The following TJP3 variants were observed in gnomAD, a reference collection of about 807,000 sequenced individuals.
TJP3 encodes tight junction protein 3, also known as tight junction protein ZO-3.
Under a neutral mutation model 104.2 loss-of-function variants are expected in TJP3, and 85 were observed. The observed-to-expected ratio is 0.82, with a 90% CI of 0.68 to 0.98. The LOEUF (loss-of-function observed/expected upper bound fraction) is 0.98. TJP3 is among the 50% of genes least tolerant of loss of function. The pLI is 0.00. For missense variants in TJP3, 1,367 were observed against 1,322.8 expected (o/e 1.03, Z -0.52); for synonymous variants, 550 against 550.6 (o/e 1.00, Z 0.02).
At chr19:3,713,399 A>C (rs2036450316) in intron 1 of TJP3, among the ~76,000 whole-genome samples, 1 of 152,222 alleles carries the variant, frequency 6.6e-6, no homozygotes, top group Non-Finnish European at 1.5e-5. Context: ...GTTATTCTGC[A>C]AAAGACCTGC....
At chr19:3,717,350 G>GAATGCAGGATTTTCTACCAGCTCCAGTCC (rs2036488906) in intron 1 of TJP3, among the ~76,000 whole-genome samples, 2 of 123,606 alleles carry the variant, frequency 1.6e-5, no homozygotes, top group African/African-American at 5.1e-5. Context: ...TGATTCGGCC[G>GAATGCAGGATTTTCTACCAGCTCCAGTCC]CCTTGGCCAT....
intron 10 of TJP3, 97 bp from the exon 11 acceptor site, chr19:3,736,068 G>A: frequency 6.4e-7 from 1 of 1,569,304 alleles, no homozygotes; most frequent in Non-Finnish European, 8.7e-7. Flanking sequence ...TGGGGAAACT[G>A]AGGCCTGGAG....
intron 1 of TJP3, among the ~76,000 whole-genome samples, chr19:3,728,071 C>T (rs1599149942): frequency 6.6e-6 from 1 of 152,208 alleles, no homozygotes; most frequent in East Asian, 1.9e-4. Flanking sequence ...GAAACCCTAT[C>T]TCTATTAAAA....
In TJP3 at chr19:3,730,811, G is replaced by A; in HGVS notation, c.613+105G>A. 3 of 1,274,194 alleles carry A rather than the reference G, an allele frequency of 2.4e-6. No individual in the cohort carries two copies. The highest frequency in any genetic ancestry group is 2.1e-6 in the Non-Finnish European group (2 of 947,262). The allele number at this position is 1,274,194 out of a possible 1,614,324, so 78.9% of individuals were successfully genotyped here. A position where few individuals can be genotyped will look rare whatever the true frequency, so the allele number is the denominator to read the frequency against. On this transcript the variant is annotated intron_variant, in intron 5 of 20. Transcript: ENST00000541714. The surrounding 1 kb of genome is among the most constrained non-coding windows in gnomAD (Gnocchi z 7.3). ...TTCTCCTGCCTCAGCCTCCCTGGTG[G>A]CTGGGACTCCAGGCGCCCGCCACCA... is the stretch of plus-strand genomic sequence containing the variant.
intron 1 of TJP3, among the ~76,000 whole-genome samples, chr19:3,726,065 C>T (rs537396577): frequency 6.9e-4 from 105 of 152,366 alleles, no homozygotes; most frequent in African/African-American, 2.3e-3. Context: ...GGCACTGGAG[C>T]GCACCAATGG....
chr19:3,709,388 G>A (rs548234484), intron 1 of TJP3, among the ~76,000 whole-genome samples: 52 of 152,278 alleles, frequency 3.4e-4, no homozygotes, highest in Non-Finnish European at 5.4e-4. Flanking sequence ...AAGCCACTGC[G>A]CCCAGACTTC....
intron 10 of TJP3, 80 bp from the exon 11 acceptor site, chr19:3,736,085 G>C (rs952774067): frequency 1.9e-6 from 3 of 1,570,608 alleles, no homozygotes; most frequent in Non-Finnish European, 2.6e-6. Flanking sequence ...GGAGGGGGTG[G>C]GGGCTTTCCC....
chr19:3,750,204 G>A lies in TJP3; in HGVS notation c.2657+20G>A. The A allele has an allele frequency of 3.2e-6, 5 of 1,562,570 alleles. No homozygotes were observed. The highest frequency in any genetic ancestry group is 4.3e-6 in the Non-Finnish European group (5 of 1,156,498). ...CATGCGGTAAGAACCCCATATTCCA[G>A]ATTGGGGCCCTCAACCCTTCCCTTG... is the stretch of plus-strand genomic sequence containing the variant. On this transcript the variant is annotated intron_variant, in intron 20 of 20. Coordinates refer to ENST00000541714, the MANE Select transcript of TJP3 (RefSeq NM_001267560.2).
rs1049197676 is a variant in TJP3 at position 3,708,985 on chromosome 19, G to A, written c.-10+424G>A. Among the ~76,000 whole-genome samples the A allele has an allele frequency of 3.3e-5, 5 of 152,134 alleles. No homozygotes were observed. In the East Asian group the frequency reaches 5.8e-4, roughly 18 times the overall value. Reference sequence around the variant, plus strand: ...AGGCTGCGACCTCACTCATCTCTGAGCCTCCTGGAACTTCTTAAAAGGCTC... The same window carrying A: ...AGGCTGCGACCTCACTCATCTCTGAACCTCCTGGAACTTCTTAAAAGGCTC... On this transcript the variant is annotated intron_variant, in intron 1 of 20. Coordinates refer to ENST00000541714, the MANE Select transcript of TJP3 (RefSeq NM_001267560.2).
intron 6 of TJP3, among the ~76,000 whole-genome samples, chr19:3,732,756 C>A (rs7252411): frequency 0.6 from 91,639 of 151,540 alleles, 28,154 homozygotes; most frequent in Admixed American, 0.74. Context: ...TGATCCCCCC[C>A]GCTCGGCCTC....
At chr19:3,732,333 C>A (rs981044736) in intron 6 of TJP3, among the ~76,000 whole-genome samples, 2 of 152,074 alleles carry the variant, frequency 1.3e-5, no homozygotes, top group African/African-American at 2.4e-5. Context: ...ACTCCTGGAC[C>A]TACCCTAGGT....
At chr19:3,729,425 G>GAA (rs2036640235) in intron 3 of TJP3, among the ~76,000 whole-genome samples, 1 of 152,164 alleles carries the variant, frequency 6.6e-6, no homozygotes, top group South Asian at 2.1e-4. Context: ...GAGAGGGAAA[G>GAA]AAAAGCAGAA....
At chr19:3,720,379 C>A (rs943806595) in intron 1 of TJP3, among the ~76,000 whole-genome samples, 1 of 152,138 alleles carries the variant, frequency 6.6e-6, no homozygotes, top group African/African-American at 2.4e-5. Flanking sequence ...ATATTGTTGG[C>A]CTTGTTTACT....
intron 1 of TJP3, among the ~76,000 whole-genome samples, chr19:3,724,759 G>T (rs1320904456): frequency 6.6e-6 from 1 of 151,980 alleles, no homozygotes; most frequent in Non-Finnish European, 1.5e-5. Flanking sequence ...GGTTGGTCTT[G>T]AACTCCTGGG....
In TJP3 at chr19:3,730,398, C is replaced by A; in HGVS notation, c.305C>A (p.Ala102Asp). 1 of 1,563,104 alleles carries A rather than the reference C, an allele frequency of 6.4e-7. No homozygotes were observed. The highest frequency in any genetic ancestry group is 8.6e-7 in the Non-Finnish European group (1 of 1,157,322). ...PRRIHLPATKASPSSPGRQDS... is the reference protein window; with the variant it reads ...PRRIHLPATKDSPSSPGRQDS... The stretch of plus-strand genomic sequence containing the variant: ...AGGATCCACCTGCCCGCCACCAAAG[C>A]CAGCCCCTCCAGCCCAGGGCGCCAG... The change falls in exon 5 of 21, where the codon GCC (alanine) becomes GAC (aspartate). Residue 102 changes from alanine to aspartate, a missense_variant. By Grantham distance (126) the Ala-to-Asp change is moderately radical (BLOSUM62 -2). Coordinates refer to ENST00000541714, the MANE Select transcript of TJP3 (RefSeq NM_001267560.2). The surrounding 1 kb of genome is among the most constrained non-coding windows in gnomAD (Gnocchi z 7.3).
chr19:3,742,159 C>T (rs897163365), intron 14 of TJP3, among the ~76,000 whole-genome samples: 2 of 151,802 alleles, frequency 1.3e-5, no homozygotes, highest in Non-Finnish European at 2.9e-5. Flanking sequence ...TTTGACCGGG[C>T]GTGGTGGCTC....
intron 15 of TJP3, among the ~76,000 whole-genome samples, chr19:3,744,355 G>C (rs1387051874): frequency 6.6e-6 from 1 of 152,146 alleles, no homozygotes; most frequent in Non-Finnish European, 1.5e-5. Flanking sequence ...CCTTGGAGAA[G>C]ACTCCAAATT....
At chr19:3,715,638 C>T (rs752671413) in intron 1 of TJP3, among the ~76,000 whole-genome samples, 2 of 152,126 alleles carry the variant, frequency 1.3e-5, no homozygotes, top group Non-Finnish European at 2.9e-5. Flanking sequence ...TGGGATTTCT[C>T]TGCGTTGCCC....
intron 1 of TJP3, among the ~76,000 whole-genome samples, chr19:3,710,785 C>G (rs565823577): frequency 1.3e-5 from 2 of 152,206 alleles, no homozygotes; most frequent in South Asian, 4.2e-4. Flanking sequence ...GCCAAGCTTC[C>G]TGCTCTCGTG....
Sources: gnomAD v4.1 joint callset for allele counts (sites outside exome capture counted in the v4.1 genomes callset) on GRCh38, gnomAD v4.1.1 for gene constraint, Gnocchi (gnomAD v3.1) non-coding constraint, MANE v1.5 for transcripts, NCBI Gene and HGNC (gene_info 2026-07-23, HGNC 2026-07-21) for gene names.